TPST1: variants seen among roughly 807,000 people sequenced by gnomAD.
The protein encoded by TPST1 is protein-tyrosine sulfotransferase 1.
In TPST1, 20 loss-of-function variants were observed where a neutral mutation model predicts 34.8. The ratio of observed to expected loss-of-function variants is 0.57; its 90% CI spans 0.40 to 0.84. The LOEUF (loss-of-function observed/expected upper bound fraction) is 0.84, where lower values mean the gene tolerates loss of function less well. Among genes scored for constraint, TPST1 ranks in the 40% least tolerant of loss-of-function variants. The pLI is 0.00. For missense variants in TPST1, 353 were observed against 455.5 expected, an observed-to-expected ratio of 0.78 and a Z score of 2.05; for synonymous variants, 152 against 159.4, an observed-to-expected ratio of 0.95 and a Z score of 0.35.
At chr7:66,226,650 A>C (rs755035680) in intron 1 of TPST1, among the ~76,000 whole-genome samples, 2 of 152,334 alleles carry the variant, frequency 1.3e-5, no homozygotes, top group East Asian at 3.9e-4. Context: ...CTCTCCCCCT[A>C]TTAATTAACG....
At chr7:66,202,299 T>C (rs1030034645), upstream of TPST1, among the ~76,000 whole-genome samples, 1 of 152,220 alleles carries the variant, frequency 6.6e-6, no homozygotes, top group African/African-American at 2.4e-5. Flanking sequence ...TGGACCCTGC[T>C]TCTTACTTCT....
At chr7:66,201,792 G>A (rs924818228), upstream of TPST1, among the ~76,000 whole-genome samples, 2 of 150,856 alleles carry the variant, frequency 1.3e-5, no homozygotes, top group Non-Finnish European at 2.9e-5. Context: ...GTTTGAGGCT[G>A]CAGTGAGCTA....
chr7:66,356,693 C>A, intron 4 of TPST1, 132 bp from the exon 5 acceptor site: 2 of 975,824 alleles, frequency 2.0e-6, no homozygotes, highest in Non-Finnish European at 3.2e-6. Flanking sequence ...TTGAGCATAC[C>A]ACAGTAGTGC....
At chr7:66,278,945 A>G (rs1441482879) in intron 2 of TPST1, among the ~76,000 whole-genome samples, 1 of 152,166 alleles carries the variant, frequency 6.6e-6, no homozygotes, top group East Asian at 1.9e-4. Flanking sequence ...TTTCTTTCCA[A>G]CTTTTAGGTT....
In TPST1 at chr7:66,332,052, C is replaced by T. The variant is rs1281474448; in HGVS notation, c.1045-20453C>T. 6.6e-6 allele frequency among the ~76,000 whole-genome samples: 1 copy of T among 152,036 alleles called. No individual in the cohort carries two copies. Among genetic ancestry groups the T allele is most frequent in the Non-Finnish European group, 1.5e-5 (1 of 68,028 alleles). ...TATAGTGAGTTGTGTAATAATTTCACTATATATTATGATGTAATAATAACA... is the reference window on the plus strand; with the variant it reads ...TATAGTGAGTTGTGTAATAATTTCATTATATATTATGATGTAATAATAACA... On this transcript the variant is annotated intron_variant, in intron 3 of 5. Coordinates refer to ENST00000304842, the MANE Select transcript of TPST1 (RefSeq NM_003596.4). The surrounding 1 kb of genome is among the most constrained non-coding windows in gnomAD (Gnocchi z 4.5).
At chr7:66,274,482 A>T (rs757209634) in intron 2 of TPST1, among the ~76,000 whole-genome samples, 3 of 152,162 alleles carry the variant, frequency 2.0e-5, no homozygotes, top group Non-Finnish European at 4.4e-5. Flanking sequence ...AAACTGTATA[A>T]CTATCAGAAG....
rs1206006925 is a variant in TPST1, at chr7:66,360,096, T to C, written c.*231T>C. 1.3e-5 allele frequency: 5 copies of C among 391,484 alleles called. No individual in the cohort carries two copies. Among genetic ancestry groups the C allele is most frequent in the Non-Finnish European group, 2.6e-5 (5 of 192,546 alleles). The allele number at this position is 391,484 out of a possible 1,614,324, so 24.3% of individuals were successfully genotyped here. A position where few individuals can be genotyped will look rare whatever the true frequency, so the allele number is the denominator to read the frequency against. ...CAAAGAGCTCTTGATCCCGATTTCA[T>C]GCACAGCCCTGCAGTAAGGAGCCCA... On this transcript the variant is annotated 3_prime_UTR_variant, in exon 6 of 6. Coordinates refer to ENST00000304842, the MANE Select transcript of TPST1 (RefSeq NM_003596.4).
chr7:66,251,793 C>G (rs1584176798), intron 2 of TPST1, among the ~76,000 whole-genome samples: 1 of 141,944 alleles, frequency 7.0e-6, no homozygotes, highest in Middle Eastern at 3.3e-3. Context: ...CGGTCAGGTT[C>G]TTTTTTTTTT....
intron 3 of TPST1, among the ~76,000 whole-genome samples, chr7:66,346,243 A>T (rs572664346): frequency 6.6e-6 from 1 of 152,136 alleles, no homozygotes; most frequent in Admixed American, 6.5e-5. Context: ...GGACACTTAG[A>T]TTGATCCCAA....
chr7:66,231,544 T>C (rs1196857527), intron 1 of TPST1, among the ~76,000 whole-genome samples: 1 of 152,204 alleles, frequency 6.6e-6, no homozygotes, highest in Non-Finnish European at 1.5e-5. Flanking sequence ...CTGGCACTGC[T>C]GGGGGACCCA....
chr7:66,212,977 T>C (rs894649642), intron 1 of TPST1, among the ~76,000 whole-genome samples: 1 of 152,152 alleles, frequency 6.6e-6, no homozygotes, highest in Non-Finnish European at 1.5e-5. Flanking sequence ...TCTCCCCAAC[T>C]GCTTTAGAGG....
At chr7:66,267,196 T>C (rs75021000) in intron 2 of TPST1, among the ~76,000 whole-genome samples, 2,386 of 152,284 alleles carry the variant, frequency 0.016, 59 homozygotes, top group East Asian at 0.093. Flanking sequence ...ACAATTCTCC[T>C]TTGAGACATA....
At chr7:66,283,301 A>G (rs995853206) in intron 2 of TPST1, among the ~76,000 whole-genome samples, 1 of 152,102 alleles carries the variant, frequency 6.6e-6, no homozygotes, top group African/African-American at 2.4e-5. Flanking sequence ...ATCTCCATGA[A>G]TGTGAATATT....
intron 2 of TPST1, among the ~76,000 whole-genome samples, chr7:66,280,075 C>G (rs1021327688): frequency 1.3e-5 from 2 of 152,216 alleles, no homozygotes; most frequent in African/African-American, 4.8e-5. Context: ...GGCCCACAGT[C>G]CCCCTGGCAT....
intron 3 of TPST1, among the ~76,000 whole-genome samples, chr7:66,344,742 T>C (rs893622875): frequency 2.0e-5 from 3 of 147,150 alleles, no homozygotes; most frequent in Admixed American, 6.8e-5. Context: ...TTTTTTTTTT[T>C]AGACATAGTC....
At chr7:66,228,194 T>C (rs1478068787) in intron 1 of TPST1, among the ~76,000 whole-genome samples, 1 of 152,232 alleles carries the variant, frequency 6.6e-6, no homozygotes, top group Non-Finnish European at 1.5e-5. Flanking sequence ...AACTATTGGT[T>C]GCTTCTTTAG....
At chr7:66,234,303 CTG>C (rs527380130) in intron 1 of TPST1, among the ~76,000 whole-genome samples, 231 of 152,194 alleles carry the variant, frequency 1.5e-3, no homozygotes, top group African/African-American at 5.3e-3. Context: ...AAAAGAAAGA[CTG>C]TTCTTTTTAT....
intron 1 of TPST1, among the ~76,000 whole-genome samples, chr7:66,215,739 A>G (rs953091996): frequency 6.8e-6 from 1 of 146,840 alleles, no homozygotes; most frequent in Non-Finnish European, 1.5e-5. Flanking sequence ...AGAATTTACT[A>G]GTGAAGCCAT....
intron 1 of TPST1, among the ~76,000 whole-genome samples, chr7:66,213,763 T>G (rs1330146326): frequency 2.0e-5 from 3 of 150,472 alleles, no homozygotes; most frequent in African/African-American, 7.3e-5. Context: ...AAAAAAAGAA[T>G]AATGGCTACT....
Sources: allele counts gnomAD v4.1 joint callset (sites outside exome capture counted in the v4.1 genomes callset), GRCh38; gene constraint gnomAD v4.1.1; non-coding constraint Gnocchi (gnomAD v3.1); transcripts MANE v1.5; gene names NCBI Gene and HGNC (gene_info 2026-07-23, HGNC 2026-07-21).